Variants in PTK6 observed in about 807,000 individuals in gnomAD.
PTK6 encodes the protein protein-tyrosine kinase 6.
PTK6 carries 47 observed loss-of-function variants against 47.5 expected under a neutral mutation model. That is an observed-to-expected ratio of 0.99 (90% CI 0.78 to 1.26). PTK6 has a LOEUF of 1.26. Among genes scored for constraint, PTK6 ranks in the 50% most tolerant of loss-of-function variants. The pLI is 0.00. For missense variants in PTK6, 618 were observed against 625.3 expected, an observed-to-expected ratio of 0.99 and a Z score of 0.12; for synonymous variants, 287 against 276.5, an observed-to-expected ratio of 1.04 and a Z score of -0.38.
chr20:63,535,033 G>C lies in PTK6; in HGVS notation c.257C>G (p.Ser86Trp). 1 of 1,605,634 alleles carries C rather than the reference G, an allele frequency of 6.2e-7. No individual in the cohort carries two copies. Among genetic ancestry groups the C allele is most frequent in the Non-Finnish European group, 8.5e-7 (1 of 1,174,616 alleles). The change falls in exon 2 of 8, where the codon TCG becomes TGG. Residue 86 changes from serine (S) to tryptophan (W), a missense_variant. Transcript: ENST00000542869. ...EPWFFGCISRSEAVRRLQAEG... is the reference protein window; with the variant it reads ...EPWFFGCISRWEAVRRLQAEG... ...GGCCTGCAGCCGACGCACAGCTTCC[G>C]AGCGGGAGATGCAGCCAAAGAACCA...
Position 63,533,446 on chromosome 20 carries a change from T to C in PTK6, c.670+105A>G, listed in dbSNP as rs1284892913. 1.3e-5 allele frequency: 18 copies of C among 1,346,452 alleles called. No individual in the cohort carries two copies. Among genetic ancestry groups the C allele is most frequent in the Non-Finnish European group, 1.7e-5 (17 of 997,026 alleles). The allele number at this position is 1,346,452 out of a possible 1,614,324, so 83.4% of individuals were successfully genotyped here. ...GGGAACCACTCTCGCATGGACGCTG[T>C]GGGTGCTGCTTGGGGCTCGAGGCCA... On this transcript the variant is annotated intron_variant, in intron 4 of 7. Coordinates refer to ENST00000542869, the MANE Select transcript of PTK6 (RefSeq NM_005975.4). This position sits in a 1 kb window ranked among gnomAD's most constrained non-coding sequence, Gnocchi z 4.0.
intron 5 of PTK6, among the ~76,000 whole-genome samples, chr20:63,532,046 G>T (rs1312232506): frequency 6.6e-6 from 1 of 152,204 alleles, no homozygotes; most frequent in Non-Finnish European, 1.5e-5. Flanking sequence ...CCATTCCCTG[G>T]CAGCGATTGT....
Position 63,529,260 on chromosome 20 carries a change from C to G in PTK6, c.*276G>C, listed in dbSNP as rs186986345. ...AGAGAGCGGGCTGTGGTCAGAGTCCCCTCTGACCTCTGCTGGCTTCGTGTC... is the reference window on the plus strand; with the variant it reads ...AGAGAGCGGGCTGTGGTCAGAGTCCGCTCTGACCTCTGCTGGCTTCGTGTC... On this transcript the variant is annotated 3_prime_UTR_variant, in exon 8 of 8. Coordinates refer to ENST00000542869, the MANE Select transcript of PTK6 (RefSeq NM_005975.4). This position sits in a 1 kb window ranked among gnomAD's most constrained non-coding sequence, Gnocchi z 5.6. 3.0e-6 allele frequency: 1 copy of G among 338,326 alleles called. No homozygotes were observed. The highest frequency in any genetic ancestry group is 2.2e-5 in the African/African-American group (1 of 46,380). 21.0% of individuals were successfully genotyped at this position (338,326 alleles called of 1,614,324 possible). A position where few individuals can be genotyped will look rare whatever the true frequency, so the allele number is the denominator to read the frequency against.
rs183698868 is a variant in PTK6 at position 63,530,452 on chromosome 20, G to A, written c.1015-221C>T. Among the ~76,000 whole-genome samples, 8 of 152,328 alleles carry A rather than the reference G, an allele frequency of 5.3e-5. No individual in the cohort carries two copies. The highest frequency in any genetic ancestry group is 7.4e-5 in the Non-Finnish European group (5 of 68,020). On this transcript the variant is annotated intron_variant, in intron 6 of 7. Coordinates refer to ENST00000542869, the MANE Select transcript of PTK6 (RefSeq NM_005975.4). The surrounding 1 kb of genome is among the most constrained non-coding windows in gnomAD (Gnocchi z 4.1). ...CAGGTGTGTGGGGACCGGAGGGCCCGGGGGACAGGGAACTGGGAGGCTCCC... is the reference window on the plus strand; with the variant it reads ...CAGGTGTGTGGGGACCGGAGGGCCCAGGGGACAGGGAACTGGGAGGCTCCC...
At position 63,529,540 on chromosome 20, in the gene PTK6, G is replaced by T; in HGVS notation, c.1352C>A (p.Thr451Asn). 1 of 1,567,518 alleles carries T rather than the reference G, an allele frequency of 6.4e-7. No individual in the cohort carries two copies. Among genetic ancestry groups the T allele is most frequent in the Non-Finnish European group, 8.6e-7 (1 of 1,156,348 alleles). ...CCATGCCCGCTCCACAGCAGCTCAGGTCGGGTTCTCGTAGCTGGTGAAGCT... is the reference window on the plus strand; with the variant it reads ...CCATGCCCGCTCCACAGCAGCTCAGTTCGGGTTCTCGTAGCTGGTGAAGCT... ...LSSFTSYENP[T>N] The change falls in exon 8 of 8, where the codon ACC becomes AAC. Residue 451 changes from threonine (T) to asparagine (N), a missense_variant. Thr to Asn is a moderately conservative substitution (Grantham distance 65). Coordinates refer to ENST00000542869, the MANE Select transcript of PTK6 (RefSeq NM_005975.4). The surrounding 1 kb of genome is among the most constrained non-coding windows in gnomAD (Gnocchi z 5.6).
At position 63,533,724 on chromosome 20, in the gene PTK6, C is replaced by T. The variant is rs1375162606; in HGVS notation, c.517-20G>A. 6 of 1,606,794 alleles carry T rather than the reference C, an allele frequency of 3.7e-6. No individual in the cohort carries two copies. Among genetic ancestry groups the T allele is most frequent in the Non-Finnish European group, 5.1e-6 (6 of 1,176,718 alleles). ...CTCGTGCTGGAGGAAGAGTCGGGGA[C>T]ACAGGGCAGGGGCTCATCCTTCAGG... is the stretch of plus-strand genomic sequence containing the variant. On this transcript the variant is annotated intron_variant, in intron 3 of 7. Transcript: ENST00000542869. This position sits in a 1 kb window ranked among gnomAD's most constrained non-coding sequence, Gnocchi z 4.0.
At position 63,530,593 on chromosome 20, in the gene PTK6, C is replaced by A. The variant is rs879723700; in HGVS notation, c.1014+153G>T. Among the ~76,000 whole-genome samples, 1 of 152,176 alleles carries A rather than the reference C, an allele frequency of 6.6e-6. No homozygotes were observed. Among genetic ancestry groups the A allele is most frequent in the South Asian group, 2.1e-4 (1 of 4,830 alleles). On this transcript the variant is annotated intron_variant, in intron 6 of 7. Transcript: ENST00000542869. The surrounding 1 kb of genome is among the most constrained non-coding windows in gnomAD (Gnocchi z 4.1). Reference sequence around the variant, plus strand: ...CAGAATGGGGGCCCCACCGGACTCACGGTGGCTTCCCACCTCCCTGCCCAG... The same window carrying A: ...CAGAATGGGGGCCCCACCGGACTCAAGGTGGCTTCCCACCTCCCTGCCCAG...
intron 1 of PTK6, among the ~76,000 whole-genome samples, chr20:63,535,706 C>T (rs148161644): frequency 7.3e-4 from 111 of 151,424 alleles, no homozygotes; most frequent in African/African-American, 2.6e-3. Context: ...TCCACCCCCT[C>T]CACTTCCGCA....
rs918534065 is a variant in PTK6, at chr20:63,533,954, G to A, written c.516+198C>T. Among the ~76,000 whole-genome samples the A allele has an allele frequency of 3.9e-5, 6 of 152,122 alleles. No individual in the cohort carries two copies. The highest frequency in any genetic ancestry group is 1.4e-4 in the African/African-American group (6 of 41,422). Reference sequence around the variant, plus strand: ...GGCCTCTCCGAGAGTGGCCAGGCCCGGGGATGGTCTCCTGGCCCCACCCCC... The same window carrying A: ...GGCCTCTCCGAGAGTGGCCAGGCCCAGGGATGGTCTCCTGGCCCCACCCCC... On this transcript the variant is annotated intron_variant, in intron 3 of 7. Coordinates refer to ENST00000542869, the MANE Select transcript of PTK6 (RefSeq NM_005975.4). This position sits in a 1 kb window ranked among gnomAD's most constrained non-coding sequence, Gnocchi z 4.0.
Position 63,530,439 on chromosome 20 carries a change from G to A in PTK6, c.1015-208C>T, listed in dbSNP as rs2082608829. ...TCCCCTGGGATTGCAGGTGTGTGGGGACCGGAGGGCCCGGGGGACAGGGAA... is the reference window on the plus strand; with the variant it reads ...TCCCCTGGGATTGCAGGTGTGTGGGAACCGGAGGGCCCGGGGGACAGGGAA... On this transcript the variant is annotated intron_variant, in intron 6 of 7. Transcript: ENST00000542869. The surrounding 1 kb of genome is among the most constrained non-coding windows in gnomAD (Gnocchi z 4.1). Among the ~76,000 whole-genome samples, 1 of 152,216 alleles carries A rather than the reference G, an allele frequency of 6.6e-6. No homozygotes were observed. Among genetic ancestry groups the A allele is most frequent in the South Asian group, 2.1e-4 (1 of 4,836 alleles).
In PTK6 at chr20:63,530,971, C is replaced by T. The variant is rs1190294458; in HGVS notation, c.833-44G>A. On this transcript the variant is annotated intron_variant, in intron 5 of 7. Coordinates refer to ENST00000542869, the MANE Select transcript of PTK6 (RefSeq NM_005975.4). The surrounding 1 kb of genome is among the most constrained non-coding windows in gnomAD (Gnocchi z 4.1). ...CAGAGCCTGGGGTCAGCTGAGCCAG[C>T]TGAGGTGGGGAAGGGTTGGGGAGGC... 1 of 1,518,306 alleles carries T rather than the reference C, an allele frequency of 6.6e-7. No individual in the cohort carries two copies. The highest frequency in any genetic ancestry group is 8.8e-7 in the Non-Finnish European group (1 of 1,130,258). The allele number at this position is 1,518,306 out of a possible 1,614,324, so 94.1% of individuals were successfully genotyped here.
In PTK6 at chr20:63,530,614, C is replaced by T; in HGVS notation, c.1014+132G>A. 2 of 1,196,012 alleles carry T rather than the reference C, an allele frequency of 1.7e-6. No individual in the cohort carries two copies. Among genetic ancestry groups the T allele is most frequent in the Non-Finnish European group, 2.3e-6 (2 of 870,964 alleles). The allele number at this position is 1,196,012 out of a possible 1,614,324, so 74.1% of individuals were successfully genotyped here. ...CTCACGGTGGCTTCCCACCTCCCTGCCCAGCCTGGGCTCCCGAGGGCAGGG... is the reference window on the plus strand; with the variant it reads ...CTCACGGTGGCTTCCCACCTCCCTGTCCAGCCTGGGCTCCCGAGGGCAGGG... On this transcript the variant is annotated intron_variant, in intron 6 of 7. Coordinates refer to ENST00000542869, the MANE Select transcript of PTK6 (RefSeq NM_005975.4). The surrounding 1 kb of genome is among the most constrained non-coding windows in gnomAD (Gnocchi z 4.1).
chr20:63,534,395 C>A, intron 2 of PTK6, 80 bp from the exon 3 acceptor site: 1 of 1,463,310 alleles, frequency 6.8e-7, no homozygotes, highest in South Asian at 1.4e-5. Flanking sequence ...GCCACACCTG[C>A]GCAGAGTTTC....
Position 63,528,615 on chromosome 20 carries a change from G to C in PTK6, c.*921C>G, listed in dbSNP as rs369609626. 1 of 151,392 alleles carries C rather than the reference G, an allele frequency of 6.6e-6. No individual in the cohort carries two copies. Among genetic ancestry groups the C allele is most frequent in the Non-Finnish European group, 1.5e-5 (1 of 67,896 alleles). The allele number at this position is 151,392 out of a possible 1,614,324, so 9.4% of individuals were successfully genotyped here. On this transcript the variant is annotated 3_prime_UTR_variant, in exon 8 of 8. Transcript: ENST00000542869. ...TTTTTAGTAGAGACGGGGTTTCACC[G>C]TGTTAGCCAGGATGGTGTCGATCTC...
At chr20:63,532,268 ATGTCTG>A (rs2082628353) in intron 5 of PTK6, among the ~76,000 whole-genome samples, 1 of 140,098 alleles carries the variant, frequency 7.1e-6, no homozygotes, top group African/African-American at 2.6e-5. Flanking sequence ...GTCTATGTGT[ATGTCTG>A]TGTGTGTCAT....
At chr20:63,532,736 C>T in intron 4 of PTK6, 49 bp from the exon 5 acceptor site, 1 of 1,594,238 alleles carries the variant, frequency 6.3e-7, no homozygotes. Flanking sequence ...CCCCCCAGGC[C>T]CCAAGGAAGA....
rs570303251 is a variant in PTK6, at chr20:63,534,995, T to C, written c.295A>G (p.Thr99Ala). 1 of 1,608,946 alleles carries C rather than the reference T, an allele frequency of 6.2e-7. No individual in the cohort carries two copies. Among genetic ancestry groups the C allele is most frequent in the African/African-American group, 1.3e-5 (1 of 74,990 alleles). ...CTGACCCTGATCAGGAAGGCGCCCG[T>C]GGCGTTGCCCTCGGCCTGCAGCCGA... ...VRRLQAEGNA[T>A]GAFLIRVSEK... The change falls in exon 2 of 8, where the codon ACG (threonine) becomes GCG (alanine). Residue 99 changes from threonine to alanine, a missense_variant. Thr to Ala is a moderately conservative substitution (Grantham distance 58). Coordinates refer to ENST00000542869, the MANE Select transcript of PTK6 (RefSeq NM_005975.4).
Position 63,528,748 on chromosome 20 carries a change from G to A in PTK6, c.*788C>T, listed in dbSNP as rs867911105. The A allele has an allele frequency of 6.6e-6, 1 of 152,150 alleles. No individual in the cohort carries two copies. Among genetic ancestry groups the A allele is most frequent in the Non-Finnish European group, 1.5e-5 (1 of 68,032 alleles). 9.4% of individuals were successfully genotyped at this position (152,150 alleles called of 1,614,324 possible). A position where few individuals can be genotyped will look rare whatever the true frequency, so the allele number is the denominator to read the frequency against. ...TTAAACCAAAAAAACTTTCAGGTGAGTCAAAACCAAAACCAATAAGCTTTT... is the reference window on the plus strand; with the variant it reads ...TTAAACCAAAAAAACTTTCAGGTGAATCAAAACCAAAACCAATAAGCTTTT... On this transcript the variant is annotated 3_prime_UTR_variant, in exon 8 of 8. Coordinates refer to ENST00000542869, the MANE Select transcript of PTK6 (RefSeq NM_005975.4).
rs1249755695 is a variant in PTK6 at position 63,529,767 on chromosome 20, C to T, written c.1169-44G>A. 6 of 1,493,972 alleles carry T rather than the reference C, an allele frequency of 4.0e-6. No homozygotes were observed. 92.5% of individuals were successfully genotyped at this position (1,493,972 alleles called of 1,614,324 possible). The stretch of plus-strand genomic sequence containing the variant: ...AGAAGAGCTGGGGCCCACCTGCCTA[C>T]CCTCCCCCAAGAAGCCACACCAGCC... On this transcript the variant is annotated intron_variant, in intron 7 of 7. Transcript: ENST00000542869. This position sits in a 1 kb window ranked among gnomAD's most constrained non-coding sequence, Gnocchi z 5.6.
Sources: gnomAD v4.1 joint callset for allele counts (sites outside exome capture counted in the v4.1 genomes callset) on GRCh38, gnomAD v4.1.1 for gene constraint, Gnocchi (gnomAD v3.1) non-coding constraint, MANE v1.5 for transcripts, NCBI Gene and HGNC (gene_info 2026-07-23, HGNC 2026-07-21) for gene names.